VPS37C: variants seen among roughly 807,000 people sequenced by gnomAD.
The protein encoded by VPS37C is VPS37C subunit of ESCRT-I.
In VPS37C, 9 loss-of-function variants were observed where a neutral mutation model predicts 16.1. The ratio of observed to expected loss-of-function variants is 0.56; its 90% CI spans 0.34 to 0.97. VPS37C has a LOEUF of 0.97. Ranked by LOEUF, VPS37C falls within the 50% of genes least tolerant of loss-of-function variation. The pLI, the probability that VPS37C is intolerant of heterozygous loss-of-function variation, is 0.02. For missense variants in VPS37C, 479 were observed against 472.7 expected, an observed-to-expected ratio of 1.01 and a Z score of -0.12; for synonymous variants, 207 against 206.4, an observed-to-expected ratio of 1.00 and a Z score of -0.02.
chr11:61,136,756 G>A (rs146484593), intron 2 of VPS37C, among the ~76,000 whole-genome samples: 8 of 152,238 alleles, frequency 5.3e-5, no homozygotes, highest in South Asian at 2.1e-4. Flanking sequence ...GGAAGGAGTC[G>A]CTACTAACCT....
chr11:61,136,442 G>A (rs1861376401), intron 2 of VPS37C, among the ~76,000 whole-genome samples: 1 of 152,114 alleles, frequency 6.6e-6, no homozygotes, highest in South Asian at 2.1e-4. Flanking sequence ...CCAAAGTGCT[G>A]GGATTACAGG....
intron 1 of VPS37C, among the ~76,000 whole-genome samples, chr11:61,149,715 C>T (rs1853269124): frequency 6.6e-6 from 1 of 152,142 alleles, no homozygotes; most frequent in African/African-American, 2.4e-5. Flanking sequence ...AATGTACAAT[C>T]TCTCATAGGG....
Position 61,138,585 on chromosome 11 carries a change from A to AG in VPS37C, c.93+151dup, listed in dbSNP as rs1861421268. 1.3e-5 allele frequency: 9 copies of AG among 679,486 alleles called. 1 individual carries two copies. In the Admixed American group the frequency reaches 2.4e-4, roughly 18 times the overall value. The allele number at this position is 679,486 out of a possible 1,614,324, so 42.1% of individuals were successfully genotyped here. On this transcript the variant is annotated intron_variant, in intron 2 of 4. Coordinates refer to ENST00000301765, the MANE Select transcript of VPS37C (RefSeq NM_017966.5). ...CTCCCAGGAACTGGTCTGAAGCCTCAGGGATTCCTCTGAGTCCAAACCAGG... is the reference window on the plus strand; with the variant it reads ...CTCCCAGGAACTGGTCTGAAGCCTCAGGGGATTCCTCTGAGTCCAAACCAGG...
chr11:61,139,957 G>A (rs1861447149), intron 1 of VPS37C, among the ~76,000 whole-genome samples: 1 of 152,102 alleles, frequency 6.6e-6, no homozygotes, highest in Non-Finnish European at 1.5e-5. Flanking sequence ...TGACCAGGCT[G>A]GTCTCGAACT....
Position 61,138,804 on chromosome 11 carries a change from A to C in VPS37C, c.26T>G (p.Leu9Arg), listed in dbSNP as rs1425889904. 1.3e-5 allele frequency: 21 copies of C among 1,614,008 alleles called. No individual in the cohort carries two copies. The highest frequency in any genetic ancestry group is 1.8e-5 in the Non-Finnish European group (21 of 1,180,040). METLKDKT[L>R]QELEELQNDS... ...ATTCTGCAACTCCTCCAGCTCCTGC[A>C]GGGTCTTATCCTTCAGCGTCTCCAT... The change falls in exon 2 of 5, where the codon CTG (leucine) becomes CGG (arginine). Residue 9 changes from leucine (L) to arginine (R), a missense_variant. Transcript: ENST00000301765.
Position 61,132,175 on chromosome 11 carries a change from C to T in VPS37C, c.713G>A (p.Ser238Asn), listed in dbSNP as rs1369631937. 2.0e-6 allele frequency: 3 copies of T among 1,476,442 alleles called. No individual in the cohort carries two copies. Among genetic ancestry groups the T allele is most frequent in the Non-Finnish European group, 2.7e-6 (3 of 1,112,788 alleles). 91.5% of individuals were successfully genotyped at this position (1,476,442 alleles called of 1,614,324 possible). ...CGGGTAAGTGGGGCCCAGAGGCCCG[C>T]TGTAGAAGGAGGGCTGGGACACTAC... The part of the protein sequence containing the change: ...FPVVSQPSFY[S>N]GPLGPTYPAA... The change falls in exon 5 of 5, where the codon AGC (serine) becomes AAC (asparagine). Residue 238 changes from serine to asparagine, a missense_variant. Ser to Asn is a conservative substitution (Grantham distance 46). Coordinates refer to ENST00000301765, the MANE Select transcript of VPS37C (RefSeq NM_017966.5).
At chr11:61,144,060 C>G (rs1278042081) in intron 1 of VPS37C, 1 of 151,242 alleles carries the variant, frequency 6.6e-6, no homozygotes, top group Middle Eastern at 3.4e-3. Context: ...GCTCCGCCTT[C>G]CTGGGTTGAC....
intron 2 of VPS37C, among the ~76,000 whole-genome samples, chr11:61,134,553 C>T (rs2134628909): frequency 6.6e-6 from 1 of 152,328 alleles, no homozygotes; most frequent in East Asian, 1.9e-4. Flanking sequence ...AAAGCAGAGG[C>T]TTTCCAGGAG....
chr11:61,132,848 CCCAGGGACTGGG>C (rs1222665923), intron 4 of VPS37C: 3 of 549,466 alleles, frequency 5.5e-6, no homozygotes, highest in Non-Finnish European at 9.8e-6. Context: ...TGAGCACTAG[CCCAGGGACTGGG>C]AGGGCCTAGA....
chr11:61,150,760 C>A (rs1432670460), intron 1 of VPS37C, among the ~76,000 whole-genome samples: 1 of 151,998 alleles, frequency 6.6e-6, no homozygotes, highest in African/African-American at 2.4e-5. Flanking sequence ...TCCCCTGGTC[C>A]CCTCCTCCAC....
Position 61,132,320 on chromosome 11 carries a change from CCA to C in VPS37C, c.566_567del (p.Val189GlyfsTer2). 6.3e-7 allele frequency: 1 copy of C among 1,595,084 alleles called. No homozygotes were observed. Among genetic ancestry groups the C allele is most frequent in the South Asian group, 1.1e-5 (1 of 89,322 alleles). ...AATGGTGGCTGCGGCTGCTCTTCAA[CCA>C]CAGGGGGTGTTCCCTGGGGGACTGG... ...VRPVPQGTPP[V>X]VEEQPQPPLA... On this transcript the variant is annotated frameshift_variant, in exon 5 of 5. Transcript: ENST00000301765. LOFTEE classifies it low-confidence loss of function (END_TRUNC).
chr11:61,146,141 G>T (rs1019805284), intron 1 of VPS37C, among the ~76,000 whole-genome samples: 1 of 152,248 alleles, frequency 6.6e-6, no homozygotes, highest in South Asian at 2.1e-4. Context: ...AAGACGTGGG[G>T]ACAGAGAACG....
At chr11:61,139,072 G>A (rs1293661645) in intron 1 of VPS37C, among the ~76,000 whole-genome samples, 2 of 152,188 alleles carry the variant, frequency 1.3e-5, no homozygotes, top group East Asian at 1.9e-4. Flanking sequence ...AACAGGATAT[G>A]TGAAAGTACT....
intron 1 of VPS37C, 55 bp from the exon 2 acceptor site, chr11:61,138,890 C>T: frequency 4.6e-6 from 7 of 1,525,858 alleles, no homozygotes; most frequent in Non-Finnish European, 6.4e-6. Flanking sequence ...CGAAGGGACC[C>T]CCGAGCCTGT....
chr11:61,146,946 G>A (rs1381264596), intron 1 of VPS37C, among the ~76,000 whole-genome samples: 1 of 152,170 alleles, frequency 6.6e-6, no homozygotes, highest in Non-Finnish European at 1.5e-5. Flanking sequence ...AAGCGGCCCT[G>A]GTGATTCTAG....
At chr11:61,139,179 T>G (rs1590786783) in intron 1 of VPS37C, among the ~76,000 whole-genome samples, 1 of 152,192 alleles carries the variant, frequency 6.6e-6, no homozygotes, top group African/African-American at 2.4e-5. Context: ...GCAGCAGGGA[T>G]GGAGACTAAG....
chr11:61,138,710 T>C, intron 2 of VPS37C, 27 bp downstream of exon 2: 1 of 1,610,550 alleles, frequency 6.2e-7, no homozygotes, highest in Non-Finnish European at 8.5e-7. Flanking sequence ...CTGGCCTCTG[T>C]TGGGTCCCAT....
intron 1 of VPS37C, among the ~76,000 whole-genome samples, chr11:61,159,101 T>C (rs1166569948): frequency 6.6e-6 from 1 of 152,216 alleles, no homozygotes; most frequent in Non-Finnish European, 1.5e-5. Context: ...CTACTATTAC[T>C]GGCCAAGAGT....
Position 61,130,264 on chromosome 11 carries a change from C to T in VPS37C, c.*1556G>A, listed in dbSNP as rs547107184. On this transcript the variant is annotated 3_prime_UTR_variant, in exon 5 of 5. Coordinates refer to ENST00000301765, the MANE Select transcript of VPS37C (RefSeq NM_017966.5). ...CAGCAACACCACACCACATGTGACTCATCAAAGTTTATTATGGCAATTAAT... is the reference window on the plus strand; with the variant it reads ...CAGCAACACCACACCACATGTGACTTATCAAAGTTTATTATGGCAATTAAT... The T allele has an allele frequency of 6.5e-6, 1 of 153,000 alleles. No individual in the cohort carries two copies. The highest frequency in any genetic ancestry group is 2.0e-4 in the South Asian group (1 of 4,902). 9.5% of individuals were successfully genotyped at this position (153,000 alleles called of 1,614,324 possible).
Sources: gnomAD v4.1 joint callset for allele counts (sites outside exome capture counted in the v4.1 genomes callset) on GRCh38, gnomAD v4.1.1 for gene constraint, MANE v1.5 for transcripts, NCBI Gene and HGNC (gene_info 2026-07-23, HGNC 2026-07-21) for gene names.